The following AFF3 variants were observed in gnomAD, a reference collection of about 807,000 sequenced individuals.
AFF3 encodes AF4/FMR2 family member 3.
A neutral mutation model predicts 129.7 loss-of-function variants in AFF3; 32 were observed. That is an observed-to-expected ratio of 0.25 (90% CI 0.19 to 0.33). The LOEUF (loss-of-function observed/expected upper bound fraction) is 0.33. AFF3 is among the 10% of genes least tolerant of loss of function. The pLI is 1.00. For missense variants in AFF3, 1,373 were observed against 1,592.0 expected (o/e 0.86, Z 2.34); for synonymous variants, 644 against 635.4 (o/e 1.01, Z -0.20).
intron 8 of AFF3, among the ~76,000 whole-genome samples, chr2:99,790,200 AAC>A (rs1210629985): frequency 3.9e-5 from 6 of 152,272 alleles, no homozygotes; most frequent in Non-Finnish European, 8.8e-5. Flanking sequence ...ATGTGACAGT[AAC>A]AGCAGAGTCT....
At chr2:99,646,195 T>A (rs1402361556) in intron 13 of AFF3, among the ~76,000 whole-genome samples, 1 of 152,224 alleles carries the variant, frequency 6.6e-6, no homozygotes, top group African/African-American at 2.4e-5. Context: ...CTTGTCTAAA[T>A]GTCCTTGTGT....
intron 8 of AFF3, among the ~76,000 whole-genome samples, chr2:99,795,723 C>A (rs369467570): frequency 2.0e-5 from 3 of 151,574 alleles, no homozygotes; most frequent in Non-Finnish European, 4.4e-5. Flanking sequence ...GTATTTCTTA[C>A]GTGTAGCAAC....
chr2:99,743,980 C>T (rs561640834), intron 10 of AFF3, 124 bp downstream of exon 10: 61 of 770,450 alleles, frequency 7.9e-5, no homozygotes, highest in Non-Finnish European at 1.2e-4. Context: ...GGCCCCTTTC[C>T]CCAGTTTTTT....
intron 1 of AFF3, among the ~76,000 whole-genome samples, chr2:100,138,270 G>C (rs1035789488): frequency 4.6e-5 from 7 of 152,212 alleles, no homozygotes; most frequent in Admixed American, 3.9e-4. Flanking sequence ...ATCTAAACAG[G>C]GGTCATCACT....
At chr2:100,007,060 G>T (rs762838509) in intron 6 of AFF3, 43 bp from the exon 7 acceptor site, 4 of 1,589,106 alleles carry the variant, frequency 2.5e-6, no homozygotes, top group Admixed American at 1.8e-5. Context: ...GATGAGGGGG[G>T]TCGACACATA....
At chr2:99,597,811 T>G (rs1679438374) in intron 14 of AFF3, among the ~76,000 whole-genome samples, 1 of 152,262 alleles carries the variant, frequency 6.6e-6, no homozygotes, top group South Asian at 2.1e-4. Flanking sequence ...GTTTGTTTGC[T>G]GGCTCACTGC....
chr2:99,611,028 T>C (rs1176828275), intron 13 of AFF3, among the ~76,000 whole-genome samples: 1 of 152,188 alleles, frequency 6.6e-6, no homozygotes, highest in Admixed American at 6.5e-5. Context: ...GCAATTTCTC[T>C]TGTTCCATCT....
intron 8 of AFF3, among the ~76,000 whole-genome samples, chr2:99,830,916 T>C (rs1222640566): frequency 6.6e-6 from 1 of 152,202 alleles, no homozygotes; most frequent in Admixed American, 6.5e-5. Context: ...CCACTTATCC[T>C]AGTTCAGTGG....
intron 18 of AFF3, among the ~76,000 whole-genome samples, chr2:99,574,040 T>C (rs1676757810): frequency 6.6e-6 from 1 of 152,172 alleles, no homozygotes; most frequent in Non-Finnish European, 1.5e-5. Flanking sequence ...TCTCTCAATT[T>C]TCCCCAGCCA....
chr2:100,100,410 T>A (rs1690638298), intron 4 of AFF3, among the ~76,000 whole-genome samples: 1 of 149,922 alleles, frequency 6.7e-6, no homozygotes, highest in African/African-American at 2.5e-5. Flanking sequence ...CTTGTTCAAG[T>A]TTTCTTTGCC....
At chr2:99,854,842 T>A (rs1690406745) in intron 7 of AFF3, among the ~76,000 whole-genome samples, 3 of 152,248 alleles carry the variant, frequency 2.0e-5, no homozygotes, top group Admixed American at 2.0e-4. Context: ...GATCTGCATA[T>A]AATGATCCAT....
At chr2:99,960,676 T>C (rs1184907142) in intron 7 of AFF3, among the ~76,000 whole-genome samples, 1 of 152,198 alleles carries the variant, frequency 6.6e-6, no homozygotes, top group East Asian at 1.9e-4. Context: ...CCCTCTCCTG[T>C]CCTATCCTTT....
chr2:99,914,915 CATTA>C (rs1695370709), intron 7 of AFF3, among the ~76,000 whole-genome samples: 1 of 151,800 alleles, frequency 6.6e-6, no homozygotes, highest in Non-Finnish European at 1.5e-5. Context: ...AAAATAAATA[CATTA>C]ATTAATTAAT....
At chr2:100,027,735 C>T (rs1684162146) in intron 4 of AFF3, among the ~76,000 whole-genome samples, 1 of 152,094 alleles carries the variant, frequency 6.6e-6, no homozygotes, top group Admixed American at 6.5e-5. Flanking sequence ...AAAATTAGAA[C>T]TTTAGATAAA....
chr2:100,130,546 C>A (rs890730665), intron 1 of AFF3, among the ~76,000 whole-genome samples: 1 of 152,258 alleles, frequency 6.6e-6, no homozygotes, highest in Non-Finnish European at 1.5e-5. Context: ...CGTGTGCCCA[C>A]AGGCACATCA....
chr2:99,932,653 T>C (rs1674136318), intron 7 of AFF3, among the ~76,000 whole-genome samples: 1 of 152,180 alleles, frequency 6.6e-6, no homozygotes, highest in South Asian at 2.1e-4. Flanking sequence ...ATTTTGTTCA[T>C]CTCTGTCCAG....
At chr2:99,904,235 A>C (rs148662472) in intron 7 of AFF3, among the ~76,000 whole-genome samples, 2 of 152,254 alleles carry the variant, frequency 1.3e-5, no homozygotes, top group African/African-American at 4.8e-5. Context: ...CTCTGTGCCC[A>C]ATACACAATG....
At chr2:99,801,926 C>A (rs1439143925) in intron 8 of AFF3, among the ~76,000 whole-genome samples, 2 of 152,156 alleles carry the variant, frequency 1.3e-5, no homozygotes, top group Non-Finnish European at 2.9e-5. Context: ...AGAACTATTT[C>A]CTTTGTTAAA....
intron 19 of AFF3, among the ~76,000 whole-genome samples, chr2:99,568,260 G>A (rs529627012): frequency 6.6e-6 from 1 of 152,194 alleles, no homozygotes; most frequent in Non-Finnish European, 1.5e-5. Context: ...ACAACCACAT[G>A]ATCTCTTTTA....
Sources: allele counts gnomAD v4.1 joint callset (sites outside exome capture counted in the v4.1 genomes callset), GRCh38; gene constraint gnomAD v4.1.1; transcripts MANE v1.5; gene names NCBI Gene and HGNC (gene_info 2026-07-23, HGNC 2026-07-21).